The following AGAP4 variants were observed in gnomAD, a reference collection of about 807,000 sequenced individuals.
AGAP4 encodes the protein arf-GAP with GTPase, ANK repeat and PH domain-containing protein 4.
A neutral mutation model predicts 60.7 loss-of-function variants in AGAP4; 13 were observed. The observed-to-expected ratio is 0.21, with a 90% CI of 0.14 to 0.34. The LOEUF (loss-of-function observed/expected upper bound fraction) is 0.34. Among genes scored for constraint, AGAP4 ranks in the 10% least tolerant of loss-of-function variants. The probability of loss-of-function intolerance (pLI) is 1.00; values close to 1 mark genes in which losing one functional copy is unlikely to be tolerated. For missense variants in AGAP4, 169 were observed against 884.0 expected, an observed-to-expected ratio of 0.19 and a Z score of 10.26; for synonymous variants, 70 against 339.0, an observed-to-expected ratio of 0.21 and a Z score of 8.72.
intron 4 of AGAP4, among the ~76,000 whole-genome samples, chr10:45,838,756 T>C (rs1165414182): frequency 3.3e-5 from 5 of 151,612 alleles, no homozygotes; most frequent in African/African-American, 1.2e-4. Flanking sequence ...TTAACCTTTT[T>C]GTAGATATGA....
At chr10:45,843,099 C>A (rs1376843806) in intron 3 of AGAP4, among the ~76,000 whole-genome samples, 6 of 91,418 alleles carry the variant, frequency 6.6e-5, no homozygotes, top group Middle Eastern at 5.3e-3. Flanking sequence ...GAGTTTCAGA[C>A]CAGTCTGGCT....
rs1480107241 is a variant in AGAP4 at position 45,829,888 on chromosome 10, T to A, written c.533+1506A>T. 4.7e-5 allele frequency among the ~76,000 whole-genome samples: 7 copies of A among 150,096 alleles called. 1 individual carries two copies. The highest frequency in any genetic ancestry group is 8.9e-5 in the Non-Finnish European group (6 of 67,192). On this transcript the variant is annotated intron_variant, in intron 6 of 7. Transcript: ENST00000616763. ...GAAAGATTGGTGGTTAAACTAAAAG[T>A]GATTTTTGACACAATAAAACATAAA...
upstream of AGAP4, among the ~76,000 whole-genome samples, chr10:45,849,715 A>G (rs2059059351): frequency 1.3e-5 from 2 of 149,256 alleles, no homozygotes; most frequent in Admixed American, 6.7e-5. Context: ...ATCTTGGCTC[A>G]CTGCAACCTC....
upstream of AGAP4, chr10:45,853,891 T>A: frequency 1.7e-6 from 2 of 1,200,500 alleles, no homozygotes; most frequent in South Asian, 3.1e-5. Context: ...AGTTCAGGTC[T>A]CTCATGATCC....
intron 6 of AGAP4, among the ~76,000 whole-genome samples, chr10:45,830,481 C>T (rs574149482): frequency 1.5e-4 from 14 of 96,464 alleles, no homozygotes; most frequent in African/African-American, 5.9e-4. Context: ...CAGCTTATTG[C>T]TTTTTTTGTT....
Position 45,830,904 on chromosome 10 carries a change from T to A in AGAP4, c.533+490A>T, listed in dbSNP as rs1199614267. Reference sequence around the variant, plus strand: ...ATACATGACGCACTTTTTACTCAACTTTTTGTTGTAGAAAAGTTATTTTTC... The same window carrying A: ...ATACATGACGCACTTTTTACTCAACATTTTGTTGTAGAAAAGTTATTTTTC... On this transcript the variant is annotated intron_variant, in intron 6 of 7. Coordinates refer to ENST00000616763, the MANE Select transcript of AGAP4 (RefSeq NM_001276343.3). Among the ~76,000 whole-genome samples the A allele has an allele frequency of 3.2e-5, 4 of 126,792 alleles. No homozygotes were observed. The South Asian group carries it at 9.2e-4, about 29-fold the overall frequency. The allele number at this position is 126,792 out of a possible 152,430, so 83.2% of individuals were successfully genotyped here.
Position 45,841,648 on chromosome 10 carries a change from C to T in AGAP4, c.396+5G>A. On this transcript the variant is annotated splice_donor_5th_base_variant and intron_variant, in intron 4 of 7. Transcript: ENST00000616763. ...AATTTCTTAACTATTTGAGTGTTTA[C>T]TTACATGGTTTGTACAGTTGCTTCT... 2 of 1,088,258 alleles carry T rather than the reference C, an allele frequency of 1.8e-6. No homozygotes were observed. Among genetic ancestry groups the T allele is most frequent in the Non-Finnish European group, 2.5e-6 (2 of 788,774 alleles). The allele number at this position is 1,088,258 out of a possible 1,614,324, so 67.4% of individuals were successfully genotyped here. A position where few individuals can be genotyped will look rare whatever the true frequency, so the allele number is the denominator to read the frequency against.
chr10:45,847,026 C>G (rs2059010029), intron 1 of AGAP4, 99 bp downstream of exon 1: 1 of 1,597,100 alleles, frequency 6.3e-7, no homozygotes, highest in African/African-American at 1.3e-5. Flanking sequence ...TGGCTACAAG[C>G]AGAAAGGAGC....
chr10:45,853,969 C>A (rs2059112262), upstream of AGAP4: 1 of 1,089,756 alleles, frequency 9.2e-7, no homozygotes, highest in Non-Finnish European at 1.2e-6. Context: ...GGGGGGACAA[C>A]TTCACTGTGG....
At chr10:45,852,797 T>C (rs1362627431) in intron 1 of AGAP4, among the ~76,000 whole-genome samples, 5 of 152,104 alleles carry the variant, frequency 3.3e-5, no homozygotes, top group Non-Finnish European at 7.3e-5. Flanking sequence ...ACAATCTGCA[T>C]TAATAGTGTC....
chr10:45,854,419 G>A (rs2059116703), upstream of AGAP4: 1 of 151,754 alleles, frequency 6.6e-6, no homozygotes, highest in Non-Finnish European at 1.5e-5. Flanking sequence ...TCTGAGGTCA[G>A]GAGTTCGAGA....
At chr10:45,851,260 C>A (rs1199875614), upstream of AGAP4, among the ~76,000 whole-genome samples, 2,316 of 151,980 alleles carry the variant, frequency 0.015, 31 homozygotes, top group Middle Eastern at 0.027. Context: ...GTGAAGCTTG[C>A]AAAAGTGAGC....
chr10:45,845,605 T>A lies in AGAP4; in HGVS notation c.292+1082A>T, dbSNP rs1554899312. On this transcript the variant is annotated intron_variant, in intron 2 of 7. Coordinates refer to ENST00000616763, the MANE Select transcript of AGAP4 (RefSeq NM_001276343.3). ...GAGACTAAAAAACTCCAACTTTCTT[T>A]CCTTTTTTTTTTTGTGAGACGGAGT... 1.7e-5 allele frequency among the ~76,000 whole-genome samples: 2 copies of A among 115,220 alleles called. 1 individual carries two copies. Among genetic ancestry groups the A allele is most frequent in the African/African-American group, 6.3e-5 (2 of 31,620 alleles). The allele number at this position is 115,220 out of a possible 152,430, so 75.6% of individuals were successfully genotyped here.
At chr10:45,853,409 T>C (rs1432722349) in intron 1 of AGAP4, among the ~76,000 whole-genome samples, 3 of 151,148 alleles carry the variant, frequency 2.0e-5, no homozygotes, top group African/African-American at 4.9e-5. Flanking sequence ...ACTGTTAAGG[T>C]ACCTGGGTTA....
chr10:45,831,471 T>G, intron 5 of AGAP4, 42 bp from the exon 6 acceptor site: 1 of 1,585,092 alleles, frequency 6.3e-7, no homozygotes, highest in East Asian at 2.2e-5. Flanking sequence ...TGTTAACATT[T>G]GTTAGGCCTG....
chr10:45,846,265 C>T (rs1354354228), intron 2 of AGAP4, among the ~76,000 whole-genome samples: 3 of 151,298 alleles, frequency 2.0e-5, no homozygotes, highest in Non-Finnish European at 4.4e-5. Flanking sequence ...GCAGCCCCGG[C>T]TGTGACATTT....
exon 1 of AGAP4, chr10:45,853,746 G>C: frequency 3.1e-6 from 4 of 1,287,958 alleles, no homozygotes; most frequent in Non-Finnish European, 4.0e-6. Context: ...AACAGGTCTG[G>C]AGAAGACCTT....
upstream of AGAP4, chr10:45,854,159 G>C (rs562401042): frequency 1.9e-5 from 4 of 214,354 alleles, no homozygotes; most frequent in Non-Finnish European, 3.7e-5. Context: ...TTCCTTTCTA[G>C]AACCTGTTTT....
chr10:45,849,962 C>T (rs2059063281), upstream of AGAP4, among the ~76,000 whole-genome samples: 1 of 149,916 alleles, frequency 6.7e-6, no homozygotes, highest in Admixed American at 6.6e-5. Context: ...GACAGAGTCT[C>T]ACTCTGTTGC....
Sources: gnomAD v4.1 joint callset for allele counts (sites outside exome capture counted in the v4.1 genomes callset) on GRCh38, gnomAD v4.1.1 for gene constraint, MANE v1.5 for transcripts, NCBI Gene and HGNC (gene_info 2026-07-23, HGNC 2026-07-21) for gene names.